AR: variants seen among roughly 807,000 people sequenced by gnomAD.
AR encodes the protein androgen receptor, also known as dihydrotestosterone receptor.
In AR, 8 loss-of-function variants were observed where a neutral mutation model predicts 53.9. That is an observed-to-expected ratio of 0.15 (90% CI 0.09 to 0.27). The LOEUF (loss-of-function observed/expected upper bound fraction) is 0.27. Ranked by LOEUF, AR falls within the 10% of genes least tolerant of loss-of-function variation. The pLI is 1.00. For missense variants in AR, 639 were observed against 742.5 expected (o/e 0.86, Z 1.62); for synonymous variants, 359 against 316.4 (o/e 1.13, Z -1.43).
chrX:67,623,084 A>T (rs1924453398), intron 1 of AR, among the ~76,000 whole-genome samples: 1 of 111,449 alleles, frequency 9.0e-6, no homozygotes. Context: ...TAGTGTGTGT[A>T]TATAAGGGGA....
Position 67,590,476 on chromosome X carries a change from C to T in AR, c.1616+43714C>T, listed in dbSNP as rs747098792. Among the ~76,000 whole-genome samples the T allele has an allele frequency of 1.2e-4, 13 of 111,708 alleles. No individual in the cohort carries two copies. The East Asian group carries it at 3.4e-3, about 29-fold the overall frequency. ...ATGGAAATGATGACAATAATCACTACCTCACAGATATTGATAATAATGATA... is the reference window on the plus strand; with the variant it reads ...ATGGAAATGATGACAATAATCACTATCTCACAGATATTGATAATAATGATA... On this transcript the variant is annotated intron_variant, in intron 1 of 7. Coordinates refer to ENST00000374690, the MANE Select transcript of AR (RefSeq NM_000044.6).
intron 2 of AR, among the ~76,000 whole-genome samples, chrX:67,658,502 T>C (rs972357121): frequency 8.9e-6 from 1 of 112,209 alleles, no homozygotes; most frequent in Non-Finnish European, 1.9e-5. Context: ...CAGGCTGCAG[T>C]GTGCAGCTCT....
chrX:67,623,276 A>T (rs1323342485), intron 1 of AR, among the ~76,000 whole-genome samples: 2 of 111,296 alleles, frequency 1.8e-5, no homozygotes, highest in Admixed American at 1.9e-4. Flanking sequence ...GCTTCCAACA[A>T]TCTGAGAAGA....
At chrX:67,699,678 A>C (rs60244621) in intron 3 of AR, among the ~76,000 whole-genome samples, 1 of 109,920 alleles carries the variant, frequency 9.1e-6, no homozygotes, top group Non-Finnish European at 1.9e-5. Context: ...AATCTCGGGG[A>C]CCGTCTTAGA....
chrX:67,640,238 A>AT (rs1192063450), intron 1 of AR, among the ~76,000 whole-genome samples: 5 of 109,958 alleles, frequency 4.5e-5, no homozygotes, highest in Non-Finnish European at 9.5e-5. Context: ...TTTATTGAGG[A>AT]TTTTTGCACT....
At chrX:67,575,326 C>T (rs1458017149) in intron 1 of AR, among the ~76,000 whole-genome samples, 1 of 111,450 alleles carries the variant, frequency 9.0e-6, no homozygotes, top group African/African-American at 3.3e-5. Context: ...TTGTTTTTTC[C>T]CCCTGACAAT....
intron 3 of AR, 142 bp from the exon 4 acceptor site, chrX:67,711,260 G>A (rs1208586176): frequency 1.4e-6 from 1 of 693,784 alleles, no homozygotes; most frequent in African/African-American, 2.2e-5. Flanking sequence ...TGTTGAATGA[G>A]CACTTGTCCT....
chrX:67,628,745 A>C (rs889583646), intron 1 of AR, among the ~76,000 whole-genome samples: 6 of 111,545 alleles, frequency 5.4e-5, no homozygotes, highest in East Asian at 2.8e-4. Flanking sequence ...CCAGTTTTTG[A>C]CCATTCAGTA....
At chrX:67,703,058 C>A (rs989495061) in intron 3 of AR, among the ~76,000 whole-genome samples, 2 of 110,980 alleles carry the variant, frequency 1.8e-5, no homozygotes, top group Non-Finnish European at 3.8e-5. Context: ...AGCTGGGTGA[C>A]AGAGGAAGAT....
At chrX:67,581,989 C>T (rs1922319484) in intron 1 of AR, among the ~76,000 whole-genome samples, 1 of 111,540 alleles carries the variant, frequency 9.0e-6, no homozygotes, top group South Asian at 3.7e-4. Context: ...TTTGCTCCTC[C>T]CAATCTTGAT....
At chrX:67,626,092 T>A (rs919430700) in intron 1 of AR, among the ~76,000 whole-genome samples, 3 of 111,368 alleles carry the variant, frequency 2.7e-5, no homozygotes, top group African/African-American at 9.8e-5. Flanking sequence ...TATACTCTTT[T>A]AGTTATTTTT....
chrX:67,640,502 T>C (rs1401929483), intron 1 of AR, among the ~76,000 whole-genome samples: 3 of 111,602 alleles, frequency 2.7e-5, no homozygotes, highest in Non-Finnish European at 5.6e-5. Flanking sequence ...TCAGAACTTG[T>C]TATAGTTCTA....
chrX:67,655,453 T>A (rs1017402747), intron 2 of AR, among the ~76,000 whole-genome samples: 1 of 111,284 alleles, frequency 9.0e-6, no homozygotes, highest in African/African-American at 3.3e-5. Flanking sequence ...TTTTGCAACT[T>A]GACAATGACT....
At chrX:67,670,273 TAAAGA>T (rs2075855675) in intron 2 of AR, among the ~76,000 whole-genome samples, 1 of 90,223 alleles carries the variant, frequency 1.1e-5, no homozygotes, top group East Asian at 3.8e-4. Context: ...AATCCACTAC[TAAAGA>T]ACTCACCCAT....
At chrX:67,630,704 C>A (rs1171890501) in intron 1 of AR, among the ~76,000 whole-genome samples, 1 of 109,520 alleles carries the variant, frequency 9.1e-6, no homozygotes, top group African/African-American at 3.3e-5. Context: ...GGTTATTTTG[C>A]TCGTTAGTTG....
chrX:67,705,408 G>A (rs2076062009), intron 3 of AR, among the ~76,000 whole-genome samples: 1 of 111,324 alleles, frequency 9.0e-6, no homozygotes, highest in African/African-American at 3.3e-5. Context: ...CTTAGAAGCA[G>A]TTGTGAATGG....
chrX:67,708,980 TG>T (rs1241211341), intron 3 of AR, among the ~76,000 whole-genome samples: 1 of 111,928 alleles, frequency 8.9e-6, no homozygotes, highest in Non-Finnish European at 1.9e-5. Context: ...CAAATGTTGC[TG>T]CCTACTCATT....
intron 3 of AR, among the ~76,000 whole-genome samples, chrX:67,708,879 G>A (rs1282896813): frequency 3.6e-5 from 4 of 112,348 alleles, no homozygotes; most frequent in African/African-American, 9.7e-5. Flanking sequence ...CTCAGCTGCA[G>A]GTCTGTTGGA....
In AR at chrX:67,596,908, G is replaced by A. The variant is rs779651904; in HGVS notation, c.1617-46348G>A. Reference sequence around the variant, plus strand: ...TCTCTTTAGGTACCATATGCTGAACGTTTTTCTATGCACTAAAACAGCAAC... The same window carrying A: ...TCTCTTTAGGTACCATATGCTGAACATTTTTCTATGCACTAAAACAGCAAC... On this transcript the variant is annotated intron_variant, in intron 1 of 7. Transcript: ENST00000374690. 4.5e-5 allele frequency among the ~76,000 whole-genome samples: 5 copies of A among 111,786 alleles called. No homozygotes were observed. In the South Asian group the frequency reaches 1.9e-3, roughly 42 times the overall value.
Sources: gnomAD v4.1 joint callset for allele counts (sites outside exome capture counted in the v4.1 genomes callset) on GRCh38, gnomAD v4.1.1 for gene constraint, MANE v1.5 for transcripts, NCBI Gene and HGNC (gene_info 2026-07-23, HGNC 2026-07-21) for gene names.